Variants in IL18 observed in about 807,000 individuals in gnomAD.
IL18 encodes the protein interleukin-18.
A neutral mutation model predicts 14.2 loss-of-function variants in IL18; 8 were observed. The observed-to-expected ratio is 0.56, with a 90% CI of 0.33 to 1.01. IL18 has a LOEUF of 1.01. IL18 is among the 50% of genes least tolerant of loss of function. IL18 has a pLI of 0.03. For missense variants in IL18, 166 were observed against 231.1 expected, an observed-to-expected ratio of 0.72 and a Z score of 1.83; for synonymous variants, 67 against 71.0, an observed-to-expected ratio of 0.94 and a Z score of 0.28.
intron 2 of IL18, 98 bp downstream of exon 2, chr11:112,154,877 G>T: frequency 1.4e-6 from 1 of 702,114 alleles, no homozygotes. Flanking sequence ...GTGAAATTTG[G>T]TGACAAAAAG....
intron 3 of IL18, chr11:112,153,046 T>C (rs544163342): frequency 6.6e-6 from 1 of 152,514 alleles, no homozygotes; most frequent in South Asian, 2.1e-4. Context: ...CCTACTCTAC[T>C]TCCATTCTGA....
chr11:112,143,802 CAGG>C lies in IL18; in HGVS notation c.373_375del (p.Pro125del). On this transcript the variant is annotated inframe_deletion, in exon 6 of 6. Coordinates refer to ENST00000280357, the MANE Select transcript of IL18 (RefSeq NM_001562.4). ...TCACTTTTTGTATCCTTGATGTTAT[CAGG>C]AGGATTCATTTCCTATAGAGAAAAA... The C allele has an allele frequency of 4.4e-6, 7 of 1,591,310 alleles. No homozygotes were observed. Among genetic ancestry groups the C allele is most frequent in the Non-Finnish European group, 6.0e-6 (7 of 1,162,410 alleles).
intron 1 of IL18, among the ~76,000 whole-genome samples, chr11:112,161,420 A>G (rs1456431750): frequency 1.3e-5 from 2 of 152,224 alleles, no homozygotes; most frequent in Non-Finnish European, 2.9e-5. Context: ...CGGCCTAGTA[A>G]CCACTTCTTC....
chr11:112,147,737 C>T (rs1866367200), intron 5 of IL18, among the ~76,000 whole-genome samples: 1 of 152,116 alleles, frequency 6.6e-6, no homozygotes, highest in Non-Finnish European at 1.5e-5. Flanking sequence ...GGTACCTTCA[C>T]TAAGGTCATA....
chr11:112,159,215 G>T (rs1019959558), intron 1 of IL18, among the ~76,000 whole-genome samples: 1 of 151,996 alleles, frequency 6.6e-6, no homozygotes, highest in African/African-American at 2.4e-5. Context: ...AGCTGGGTGT[G>T]GTGGCACATA....
intron 2 of IL18, among the ~76,000 whole-genome samples, chr11:112,154,214 A>G (rs1454099794): frequency 1.3e-5 from 2 of 152,176 alleles, no homozygotes; most frequent in Admixed American, 6.5e-5. Flanking sequence ...AATTGTTCAC[A>G]GAAGATTAAT....
At chr11:112,148,287 T>C (rs1398554750) in intron 5 of IL18, among the ~76,000 whole-genome samples, 2 of 152,234 alleles carry the variant, frequency 1.3e-5, no homozygotes, top group African/African-American at 4.8e-5. Context: ...ACATATGTAT[T>C]CTACATTATT....
chr11:112,159,484 C>A (rs902955865), intron 1 of IL18, among the ~76,000 whole-genome samples: 1 of 152,054 alleles, frequency 6.6e-6, no homozygotes, highest in South Asian at 2.1e-4. Flanking sequence ...TACTAAACAG[C>A]GGGATTTCTC....
rs202091683 is a variant in IL18 at position 112,143,833 on chromosome 11, C to T, written c.361-16G>A. On this transcript the variant is annotated splice_polypyrimidine_tract_variant and intron_variant, in intron 5 of 5. Transcript: ENST00000280357. ...GATTCATTTCCTATAGAGAAAAAAA[C>T]ATTACCTAATTATTTCAGGACATGA... is the stretch of plus-strand genomic sequence containing the variant. The T allele has an allele frequency of 6.2e-6, 9 of 1,445,636 alleles. No homozygotes were observed. Among genetic ancestry groups the T allele is most frequent in the Non-Finnish European group, 8.6e-6 (9 of 1,042,136 alleles). 89.6% of individuals were successfully genotyped at this position (1,445,636 alleles called of 1,614,324 possible). A position where few individuals can be genotyped will look rare whatever the true frequency, so the allele number is the denominator to read the frequency against.
At chr11:112,160,475 C>A (rs950045487) in intron 1 of IL18, among the ~76,000 whole-genome samples, 1 of 152,092 alleles carries the variant, frequency 6.6e-6, no homozygotes, top group African/African-American at 2.4e-5. Context: ...TTAAATAGCT[C>A]TTACTACCCT....
intron 1 of IL18, 133 bp from the exon 2 acceptor site, chr11:112,155,194 C>T (rs935513607): frequency 3.8e-6 from 2 of 533,070 alleles, no homozygotes; most frequent in Admixed American, 3.2e-5. Flanking sequence ...TCAATAAATG[C>T]CAGAAGTTTC....
intron 4 of IL18, 111 bp downstream of exon 4, chr11:112,149,961 T>C (rs1592810364): frequency 1.0e-6 from 1 of 994,788 alleles, no homozygotes; most frequent in East Asian, 2.5e-5. Flanking sequence ...TTATTGTCAC[T>C]CCTGTGACTT....
intron 1 of IL18, among the ~76,000 whole-genome samples, chr11:112,161,075 C>CTT (rs1555192220): frequency 6.8e-6 from 1 of 147,508 alleles, no homozygotes. Context: ...AGACTACTGA[C>CTT]TTTTTTTTTT....
intron 5 of IL18, among the ~76,000 whole-genome samples, chr11:112,145,468 G>A (rs1013772095): frequency 3.9e-5 from 6 of 152,178 alleles, no homozygotes; most frequent in African/African-American, 1.2e-4. Flanking sequence ...AGCCGGGTGC[G>A]ATGGCTCACG....
chr11:112,143,840 T>A, intron 5 of IL18, 23 bp from the exon 6 acceptor site: 1 of 1,402,548 alleles, frequency 7.1e-7, no homozygotes, highest in Non-Finnish European at 9.9e-7. Flanking sequence ...AAACATTACC[T>A]AATTATTTCA....
At chr11:112,163,364 C>G (rs1419973952) in intron 1 of IL18, among the ~76,000 whole-genome samples, 4 of 152,164 alleles carry the variant, frequency 2.6e-5, no homozygotes, top group African/African-American at 9.7e-5. Flanking sequence ...TCTAAAGCAG[C>G]AATTCTCAGG....
chr11:112,145,975 A>G (rs931555461), intron 5 of IL18, among the ~76,000 whole-genome samples: 1 of 151,558 alleles, frequency 6.6e-6, no homozygotes. Flanking sequence ...GAGAACCCCC[A>G]ACTTGGAAAG....
chr11:112,154,096 A>C (rs1455547901), intron 2 of IL18, among the ~76,000 whole-genome samples: 1 of 152,090 alleles, frequency 6.6e-6, no homozygotes, highest in African/African-American at 2.4e-5. Context: ...AGAAGGTAGG[A>C]GGTGTCCACA....
chr11:112,163,493 A>G (rs1866668736), intron 1 of IL18, among the ~76,000 whole-genome samples: 1 of 152,208 alleles, frequency 6.6e-6, no homozygotes, highest in African/African-American at 2.4e-5. Flanking sequence ...CAATATTGCA[A>G]TAGTCTGAAT....
Sources: allele counts gnomAD v4.1 joint callset (sites outside exome capture counted in the v4.1 genomes callset), GRCh38; gene constraint gnomAD v4.1.1; transcripts MANE v1.5; gene names NCBI Gene and HGNC (gene_info 2026-07-23, HGNC 2026-07-21).